The following LMF1 variants were observed in gnomAD, a reference collection of about 807,000 sequenced individuals.
LMF1 encodes the protein lipase maturation factor 1.
LMF1 carries 68 observed loss-of-function variants against 60.6 expected under a neutral mutation model. The observed-to-expected ratio is 1.12, with a 90% CI of 0.92 to 1.37. The LOEUF (loss-of-function observed/expected upper bound fraction) is 1.37, where lower values mean the gene tolerates loss of function less well. Among genes scored for constraint, LMF1 ranks in the 40% most tolerant of loss-of-function variants. The probability of loss-of-function intolerance (pLI) is 0.00; values close to 1 mark genes in which losing one functional copy is unlikely to be tolerated. For missense variants in LMF1, 948 were observed against 767.2 expected (o/e 1.24, Z -2.78); for synonymous variants, 418 against 324.7 (o/e 1.29, Z -3.09).
intron 10 of LMF1, among the ~76,000 whole-genome samples, chr16:860,624 G>A (rs2982243): frequency 0.37 from 55,586 of 151,958 alleles, 12,434 homozygotes; most frequent in East Asian, 0.5. Context: ...TACAGATGTG[G>A]GCCACCATGC....
At chr16:971,484 G>T (rs1321905542), upstream of LMF1, among the ~76,000 whole-genome samples, 1 of 152,254 alleles carries the variant, frequency 6.6e-6, no homozygotes, top group East Asian at 1.9e-4. Context: ...GACAGAGTAG[G>T]CAGGGCTGTG....
At chr16:955,397 TACAC>T (rs2072666906) in intron 1 of LMF1, among the ~76,000 whole-genome samples, 1 of 87,068 alleles carries the variant, frequency 1.1e-5, no homozygotes. Flanking sequence ...GGTGTGTGCA[TACAC>T]GCACACACAT....
intron 2 of LMF1, among the ~76,000 whole-genome samples, chr16:953,177 A>C (rs1287171053): frequency 5.1e-4 from 43 of 84,344 alleles, no homozygotes; most frequent in African/African-American, 1.1e-3. Flanking sequence ...GTCCACACAG[A>C]CACCCCAAAC....
intron 3 of LMF1, among the ~76,000 whole-genome samples, chr16:920,170 C>T (rs1043894288): frequency 1.3e-5 from 2 of 152,080 alleles, no homozygotes; most frequent in Admixed American, 6.6e-5. Context: ...CCTAGTCCGT[C>T]GTCCCCCAAC....
chr16:891,405 T>G (rs939875675), intron 5 of LMF1, among the ~76,000 whole-genome samples: 23 of 152,214 alleles, frequency 1.5e-4, no homozygotes, highest in Non-Finnish European at 2.9e-5. Flanking sequence ...TGTTTGTTTG[T>G]GGGGACATGG....
In LMF1 at chr16:893,075, G is replaced by T; in HGVS notation, c.664-3C>A. On this transcript the variant is annotated splice_region_variant and splice_polypyrimidine_tract_variant and intron_variant, in intron 4 of 10. Coordinates refer to ENST00000262301, the MANE Select transcript of LMF1 (RefSeq NM_022773.4). The stretch of plus-strand genomic sequence containing the variant: ...TCCCCCCGGATCTTGATCAGGCCCT[G>T]CAAGGAAGAGAGCAGAGGGAGAGTC... 6.4e-7 allele frequency: 1 copy of T among 1,553,578 alleles called. No homozygotes were observed. Among genetic ancestry groups the T allele is most frequent in the South Asian group, 1.2e-5 (1 of 84,164 alleles).
intron 6 of LMF1, chr16:873,605 C>T (rs2069874959): frequency 2.6e-5 from 1 of 39,142 alleles, no homozygotes; most frequent in South Asian, 5.7e-4. Flanking sequence ...GGACCCTCCG[C>T]CGAGGACATG....
intron 6 of LMF1, among the ~76,000 whole-genome samples, chr16:875,118 A>G (rs1235205516): frequency 6.6e-6 from 1 of 152,030 alleles, no homozygotes; most frequent in African/African-American, 2.4e-5. Context: ...AGGATGACGC[A>G]GCCTGACCTC....
intron 4 of LMF1, chr16:902,285 T>G (rs1384355255): frequency 6.6e-6 from 1 of 152,472 alleles, no homozygotes; most frequent in Non-Finnish European, 1.5e-5. Flanking sequence ...CGCAGGCCGA[T>G]GCGTCTGGCC....
chr16:924,180 A>G, intron 3 of LMF1, among the ~76,000 whole-genome samples: 1 of 152,230 alleles, frequency 6.6e-6, no homozygotes, highest in East Asian at 1.9e-4. Flanking sequence ...GTGTGAGGGC[A>G]ATCCCTGTCG....
intron 2 of LMF1, chr16:947,749 CAGTCAGAGCCAACGAGAG>C (rs1450139397): frequency 2.5e-5 from 9 of 361,502 alleles, no homozygotes; most frequent in African/African-American, 8.6e-5. Context: ...GCGCGGATGA[CAGTCAGAGCCAACGAGAG>C]AGTCAGAGCC....
intron 5 of LMF1, among the ~76,000 whole-genome samples, chr16:882,446 G>A (rs995923047): frequency 6.6e-6 from 1 of 152,250 alleles, no homozygotes; most frequent in Non-Finnish European, 1.5e-5. Context: ...ACCAAGCTGT[G>A]AGGAAGCCAA....
chr16:869,728 G>C (rs565569883), intron 9 of LMF1, among the ~76,000 whole-genome samples, 155 bp downstream of exon 9: 1 of 152,164 alleles, frequency 6.6e-6, no homozygotes, highest in African/African-American at 2.4e-5. Context: ...CCTGGATGTC[G>C]TGTGGGCTCA....
chr16:917,389 G>A lies in LMF1; in HGVS notation c.515-6310C>T, dbSNP rs1056340417. On this transcript the variant is annotated intron_variant, in intron 3 of 10. Transcript: ENST00000262301. ...AAGAAATGCCACACGTGTGCGCTGC[G>A]GGCGGGCGCAGGCCCACGTGAAGAA... Among the ~76,000 whole-genome samples, 37 of 133,880 alleles carry A rather than the reference G, an allele frequency of 2.8e-4. 4 individuals carry two copies. Among genetic ancestry groups the A allele is most frequent in the African/African-American group, 1.1e-3 (33 of 29,744 alleles). 87.8% of individuals were successfully genotyped at this position (133,880 alleles called of 152,430 possible).
At position 871,178 on chromosome 16, in the gene LMF1, C is replaced by A; in HGVS notation, c.1061G>T (p.Arg354Leu). 1.2e-6 allele frequency: 2 copies of A among 1,602,344 alleles called. No homozygotes were observed. Among genetic ancestry groups the A allele is most frequent in the Non-Finnish European group, 1.7e-6 (2 of 1,175,212 alleles). Residue 354 changes from arginine to leucine, a missense_variant, in exon 7 of 11, where the codon CGG (arginine) becomes CTG (leucine). Transcript: ENST00000262301. ...LQMQRDIRGA[R>L]PEPRFGSVVR... The stretch of plus-strand genomic sequence containing the variant: ...CCACCTACCGAATCTGGGCTCGGGC[C>A]GGGCCCCTCGGATGTCCCTCTGCAT...
intron 1 of LMF1, among the ~76,000 whole-genome samples, chr16:964,327 A>G (rs113376081): frequency 0.083 from 12,545 of 151,948 alleles, 591 homozygotes; most frequent in African/African-American, 0.098. Context: ...ATCAGAAAAA[A>G]AAAATCAGCT....
At chr16:908,156 C>A (rs1267878945) in intron 4 of LMF1, among the ~76,000 whole-genome samples, 16 of 152,226 alleles carry the variant, frequency 1.1e-4, no homozygotes, top group Admixed American at 1.0e-3. Context: ...AGGGTGGAAC[C>A]TAAAACTAAG....
At chr16:954,892 T>TACACAC (rs2072635006) in intron 1 of LMF1, among the ~76,000 whole-genome samples, 12 of 106,780 alleles carry the variant, frequency 1.1e-4, no homozygotes, top group African/African-American at 4.2e-4. Context: ...CATACACGCA[T>TACACAC]ACACATCTAA....
chr16:869,045 G>A lies in LMF1; in HGVS notation c.1428C>T (p.His476=). Residue 476 remains histidine (H), a synonymous_variant, in exon 10 of 11, where the codon CAC becomes CAT. Coordinates refer to ENST00000262301, the MANE Select transcript of LMF1 (RefSeq NM_022773.4). ...CAGCCAGGTGGATGATCCAGTCGTT[G>A]TGCTCGTAGGTCTGGGAGGAGAGGT... ...MWFAAFQTYE[H]NDWIIHLAGK... is the part of the protein sequence containing the mutation. 6.2e-7 allele frequency: 1 copy of A among 1,611,040 alleles called. No homozygotes were observed. The highest frequency in any genetic ancestry group is 1.7e-4 in the Middle Eastern group (1 of 6,046).
Sources: allele counts gnomAD v4.1 joint callset (sites outside exome capture counted in the v4.1 genomes callset), GRCh38; gene constraint gnomAD v4.1.1; transcripts MANE v1.5; gene names NCBI Gene and HGNC (gene_info 2026-07-23, HGNC 2026-07-21).